BTRC: variants seen among roughly 807,000 people sequenced by gnomAD.
BTRC encodes the protein F-box/WD repeat-containing protein 1A.
In BTRC, 42 loss-of-function variants were observed where a neutral mutation model predicts 85.5. That is an observed-to-expected ratio of 0.49 (90% CI 0.38 to 0.64). The LOEUF (loss-of-function observed/expected upper bound fraction) is 0.64. BTRC is among the 30% of genes least tolerant of loss of function. The pLI is 0.00. For synonymous variants in BTRC, 255 were observed against 263.3 expected (o/e 0.97, Z 0.30); for missense variants, 594 against 743.5 (o/e 0.80, Z 2.34).
In BTRC at chr10:101,550,720, C is replaced by T. The variant is rs375317445; in HGVS notation, c.1678C>T (p.Arg560Ter). The T allele has an allele frequency of 1.2e-6, 2 of 1,612,164 alleles. No homozygotes were observed. The highest frequency in any genetic ancestry group is 1.3e-5 in the African/African-American group (1 of 74,862). Residue 560 changes from arginine (R) to a stop codon, truncating the protein, a stop_gained, in exon 14 of 15, where the codon CGA (arginine) becomes TGA (stop). Transcript: ENST00000370187. LOFTEE classifies it high-confidence loss of function. Reference sequence around the variant, plus strand: ...TTAGGAGCATTCCGGAAGAGTTTTTCGACTACAGTTTGATGAATTCCAGAT... The same window carrying T: ...TTAGGAGCATTCCGGAAGAGTTTTTTGACTACAGTTTGATGAATTCCAGAT... ...TLVEHSGRVF[R>*]LQFDEFQIVS... is the part of the protein sequence containing the mutation.
At chr10:101,535,003 AC>A (rs1356645977) in intron 10 of BTRC, 93 bp downstream of exon 10, 4 of 1,412,784 alleles carry the variant, frequency 2.8e-6, no homozygotes, top group East Asian at 2.3e-5. Context: ...AAACGTTGCT[AC>A]AGAAAAATGT....
At chr10:101,525,989 T>G in intron 5 of BTRC, 24 bp from the exon 6 acceptor site, 2 of 1,608,114 alleles carry the variant, frequency 1.2e-6, no homozygotes, top group South Asian at 2.2e-5. Flanking sequence ...GTTCTTTTTC[T>G]TTGCCTCCTC....
chr10:101,517,312 G>C (rs1390966420), intron 4 of BTRC, among the ~76,000 whole-genome samples: 2 of 152,178 alleles, frequency 1.3e-5, no homozygotes, highest in East Asian at 3.8e-4. Context: ...AAAGAGCCCT[G>C]TGTATAGGAT....
chr10:101,522,621 A>G (rs1189824931), intron 5 of BTRC, among the ~76,000 whole-genome samples: 4 of 150,028 alleles, frequency 2.7e-5, no homozygotes, highest in Non-Finnish European at 5.9e-5. Flanking sequence ...GGGTTTCACC[A>G]TATTGGCCAG....
intron 2 of BTRC, among the ~76,000 whole-genome samples, chr10:101,437,573 G>A (rs982048506): frequency 4.6e-5 from 7 of 152,138 alleles, no homozygotes; most frequent in African/African-American, 1.2e-4. Context: ...AGAGATTACC[G>A]TTTCAGTGAT....
intron 7 of BTRC, 127 bp from the exon 8 acceptor site, chr10:101,532,168 T>C (rs2062293468): frequency 3.4e-6 from 3 of 879,238 alleles, no homozygotes; most frequent in Admixed American, 5.7e-5. Context: ...AGACATTTTT[T>C]AGTTTTCCCT....
chr10:101,486,647 T>C (rs1291616931), intron 4 of BTRC, among the ~76,000 whole-genome samples: 1 of 152,182 alleles, frequency 6.6e-6, no homozygotes, highest in East Asian at 1.9e-4. Context: ...ATTTATACCT[T>C]CATCTCCAGC....
At chr10:101,360,316 A>G (rs1487646148) in intron 1 of BTRC, among the ~76,000 whole-genome samples, 1 of 151,588 alleles carries the variant, frequency 6.6e-6, no homozygotes, top group Non-Finnish European at 1.5e-5. Flanking sequence ...TGGCCTCCCA[A>G]AGTGCTGGGA....
chr10:101,472,006 T>C (rs773860740), intron 3 of BTRC, among the ~76,000 whole-genome samples: 35 of 152,210 alleles, frequency 2.3e-4, no homozygotes, highest in Non-Finnish European at 1.0e-4. Flanking sequence ...TTCCATCTTA[T>C]AGTTTCCCTG....
chr10:101,360,002 A>G (rs1222818068), intron 1 of BTRC, among the ~76,000 whole-genome samples: 1 of 152,254 alleles, frequency 6.6e-6, no homozygotes, highest in Non-Finnish European at 1.5e-5. Flanking sequence ...GAGTAGTTTT[A>G]GAAATTATTT....
At chr10:101,473,623 A>G (rs966848856) in intron 3 of BTRC, among the ~76,000 whole-genome samples, 1 of 151,822 alleles carries the variant, frequency 6.6e-6, no homozygotes, top group Non-Finnish European at 1.5e-5. Flanking sequence ...GGCACTTGCC[A>G]CCATGCCCAG....
At chr10:101,523,935 G>GA (rs2062155385) in intron 5 of BTRC, among the ~76,000 whole-genome samples, 4 of 151,898 alleles carry the variant, frequency 2.6e-5, no homozygotes, top group East Asian at 1.9e-4. Context: ...GAATCCTAGG[G>GA]GAAAAAATAC....
intron 1 of BTRC, among the ~76,000 whole-genome samples, chr10:101,368,816 C>G (rs765319781): frequency 6.6e-6 from 1 of 151,926 alleles, no homozygotes; most frequent in Non-Finnish European, 1.5e-5. Context: ...GCCAGGAGTT[C>G]GAGTCTAGCC....
chr10:101,412,844 G>A (rs1050969881), intron 1 of BTRC, among the ~76,000 whole-genome samples: 1 of 152,182 alleles, frequency 6.6e-6, no homozygotes, highest in Non-Finnish European at 1.5e-5. Flanking sequence ...ACAATAAAGT[G>A]TCTAGTTGTA....
chr10:101,519,506 A>T (rs1202623400), intron 4 of BTRC, among the ~76,000 whole-genome samples: 4 of 152,166 alleles, frequency 2.6e-5, no homozygotes, highest in Admixed American at 2.6e-4. Flanking sequence ...ATTCCTTGCC[A>T]GCTGTCCCCC....
chr10:101,401,121 A>G (rs1943481992), intron 1 of BTRC, among the ~76,000 whole-genome samples: 1 of 152,214 alleles, frequency 6.6e-6, no homozygotes, highest in South Asian at 2.1e-4. Context: ...ACTTATTGCA[A>G]TGAGATTTGA....
chr10:101,464,405 T>A (rs1286111829), intron 3 of BTRC, among the ~76,000 whole-genome samples: 2 of 152,216 alleles, frequency 1.3e-5, no homozygotes, highest in African/African-American at 2.4e-5. Flanking sequence ...GCATACATTA[T>A]TGAATCATTT....
chr10:101,366,936 AT>A (rs1401716123), intron 1 of BTRC, among the ~76,000 whole-genome samples: 881 of 24,248 alleles, frequency 0.036, 93 homozygotes, highest in African/African-American at 0.15. Flanking sequence ...ATTTATATAT[AT>A]TTATATATAT....
chr10:101,378,609 C>A (rs1174965463), intron 1 of BTRC, among the ~76,000 whole-genome samples: 1 of 150,396 alleles, frequency 6.6e-6, no homozygotes, highest in Non-Finnish European at 1.5e-5. Context: ...ACTGCAACCC[C>A]TACCTCCCAT....
Sources: gnomAD v4.1 joint callset for allele counts (sites outside exome capture counted in the v4.1 genomes callset) on GRCh38, gnomAD v4.1.1 for gene constraint, MANE v1.5 for transcripts, NCBI Gene and HGNC (gene_info 2026-07-23, HGNC 2026-07-21) for gene names.